Variants in NDST1 observed in about 807,000 individuals in gnomAD.
The protein encoded by NDST1 is bifunctional heparan sulfate N-deacetylase/N-sulfotransferase 1.
A neutral mutation model predicts 92.8 loss-of-function variants in NDST1; 35 were observed. The ratio of observed to expected loss-of-function variants is 0.38; its 90% CI spans 0.29 to 0.50. NDST1 has a LOEUF of 0.50. NDST1 is among the 20% of genes least tolerant of loss of function. The pLI is 0.94. For synonymous variants in NDST1, 493 were observed against 500.3 expected (o/e 0.99, Z 0.19); for missense variants, 822 against 1,182.7 (o/e 0.69, Z 4.47).
intron 11 of NDST1, among the ~76,000 whole-genome samples, chr5:150,547,965 T>C (rs1357356327): frequency 6.6e-6 from 1 of 152,172 alleles, no homozygotes; most frequent in Non-Finnish European, 1.5e-5. Context: ...ATTACAGGCA[T>C]GAGCCACCAT....
intron 1 of NDST1, among the ~76,000 whole-genome samples, chr5:150,516,696 C>T (rs568890800): frequency 2.6e-4 from 40 of 152,230 alleles, no homozygotes; most frequent in Non-Finnish European, 5.4e-4. Flanking sequence ...GACAGAGTCT[C>T]GCTCTATTGC....
At chr5:150,509,599 G>A (rs530840664) in intron 1 of NDST1, among the ~76,000 whole-genome samples, 16 of 152,178 alleles carry the variant, frequency 1.1e-4, no homozygotes, top group African/African-American at 1.7e-4. Flanking sequence ...TGTAATCTCC[G>A]CCTCCCAGGT....
intron 1 of NDST1, among the ~76,000 whole-genome samples, chr5:150,499,173 C>G (rs552228831): frequency 6.6e-6 from 1 of 152,360 alleles, no homozygotes; most frequent in African/African-American, 2.4e-5. Flanking sequence ...CACATTTGCC[C>G]TATGGGCAGA....
In NDST1 at chr5:150,521,147, T is replaced by C. The variant is rs1754224837; in HGVS notation, c.-108T>C. On this transcript the variant is annotated 5_prime_UTR_variant, in exon 2 of 15. Transcript: ENST00000261797. The surrounding 1 kb of genome is among the most constrained non-coding windows in gnomAD (Gnocchi z 5.9). ...CCACAAGGGCGTCGCTTCCTAAGTC[T>C]CTGTGAATTTGTTGGTCAGTGGACG... 2.0e-6 allele frequency: 2 copies of C among 1,024,826 alleles called. No homozygotes were observed. Among genetic ancestry groups the C allele is most frequent in the Non-Finnish European group, 2.9e-6 (2 of 701,648 alleles). 63.5% of individuals were successfully genotyped at this position (1,024,826 alleles called of 1,614,324 possible).
intron 2 of NDST1, among the ~76,000 whole-genome samples, chr5:150,526,227 C>A (rs182255055): frequency 8.6e-4 from 131 of 152,352 alleles, no homozygotes; most frequent in African/African-American, 3.0e-3. Context: ...ATCTACTGTT[C>A]CACAAATATG....
intron 1 of NDST1, among the ~76,000 whole-genome samples, chr5:150,508,502 G>C (rs1032064513): frequency 7.9e-5 from 12 of 152,218 alleles, no homozygotes; most frequent in African/African-American, 2.9e-4. Flanking sequence ...GGAGGAGGAG[G>C]CTGAGGGATG....
intron 1 of NDST1, chr5:150,498,333 G>T (rs953523259): frequency 7.2e-5 from 11 of 152,260 alleles, no homozygotes; most frequent in African/African-American, 2.7e-4. Context: ...GTTAATGTTT[G>T]TAAAGGACTT....
chr5:150,505,840 T>C (rs899280199), upstream of NDST1, among the ~76,000 whole-genome samples: 1 of 152,190 alleles, frequency 6.6e-6, no homozygotes, highest in Non-Finnish European at 1.5e-5. Flanking sequence ...AGTGCCATAG[T>C]GCAGTTGTAG....
intron 10 of NDST1, among the ~76,000 whole-genome samples, chr5:150,544,945 G>C (rs552094193): frequency 1.3e-5 from 2 of 152,306 alleles, no homozygotes; most frequent in South Asian, 4.1e-4. Context: ...TCGCCCCCTA[G>C]AGGCAGAGAG....
At chr5:150,518,841 A>G (rs1481975266) in intron 1 of NDST1, 3 of 151,300 alleles carry the variant, frequency 2.0e-5, no homozygotes, top group East Asian at 1.9e-4. Context: ...CAGTGACGTG[A>G]TCTCGGCTCA....
intron 12 of NDST1, among the ~76,000 whole-genome samples, chr5:150,548,629 C>T (rs181724309): frequency 2.2e-4 from 34 of 152,106 alleles, no homozygotes; most frequent in Admixed American, 1.6e-3. Context: ...CTCGATGTCC[C>T]GAGCTCACGC....
chr5:150,521,602 G>T lies in NDST1; in HGVS notation c.348G>T (p.Ala116=), dbSNP rs73272685. The T allele has an allele frequency of 1.1e-5, 17 of 1,613,918 alleles. No individual in the cohort carries two copies. Among genetic ancestry groups the T allele is most frequent in the East Asian group, 2.2e-5 (1 of 44,878 alleles). The change falls in exon 2 of 15, where the codon GCG becomes GCT. Residue 116 remains alanine (A), a synonymous_variant. Coordinates refer to ENST00000261797, the MANE Select transcript of NDST1 (RefSeq NM_001543.5). This position sits in a 1 kb window ranked among gnomAD's most constrained non-coding sequence, Gnocchi z 5.9. ...SSRFKYRTEI[A]PGKGDMPTLT... ...GCTTCAAATACCGCACAGAGATTGC[G>T]CCGGGCAAGGGTGACATGCCCACGC...
chr5:150,498,648 T>C (rs997663734), intron 1 of NDST1, among the ~76,000 whole-genome samples: 1 of 152,198 alleles, frequency 6.6e-6, no homozygotes, highest in African/African-American at 2.4e-5. Flanking sequence ...GGCACGATTC[T>C]CAACCTCCTT....
chr5:150,554,551 G>A lies in NDST1; in HGVS notation c.*1219G>A, dbSNP rs6863809. On this transcript the variant is annotated 3_prime_UTR_variant, in exon 15 of 15. Coordinates refer to ENST00000261797, the MANE Select transcript of NDST1 (RefSeq NM_001543.5). ...AGGAAGGGGCCCTCCCCAGTGCCGT[G>A]GCTGCTCTGGGGCTACCCCAGGTGA... 0.014 allele frequency: 2,089 copies of A among 152,598 alleles called. 24 individuals are homozygous for A. Among genetic ancestry groups the A allele is most frequent in the Non-Finnish European group, 0.022 (1,499 of 68,032 alleles). The allele number at this position is 152,598 out of a possible 1,614,324, so 9.5% of individuals were successfully genotyped here. A position where few individuals can be genotyped will look rare whatever the true frequency, so the allele number is the denominator to read the frequency against.
chr5:150,505,699 T>A (rs961409533), upstream of NDST1, among the ~76,000 whole-genome samples: 1 of 152,210 alleles, frequency 6.6e-6, no homozygotes, highest in Non-Finnish European at 1.5e-5. Context: ...TTATGCTCCC[T>A]ACAGAATAAC....
At chr5:150,533,765 T>G (rs1385820542) in intron 4 of NDST1, among the ~76,000 whole-genome samples, 3 of 152,144 alleles carry the variant, frequency 2.0e-5, no homozygotes, top group Non-Finnish European at 4.4e-5. Context: ...CTGTCTGTAT[T>G]TTTTATATTC....
chr5:150,549,703 T>A lies in NDST1; in HGVS notation c.2342T>A (p.Leu781His). 1.9e-6 allele frequency: 3 copies of A among 1,614,004 alleles called. No individual in the cohort carries two copies. Among genetic ancestry groups the A allele is most frequent in the Non-Finnish European group, 2.5e-6 (3 of 1,179,874 alleles). ...ATTCTGGTCTTGGATGGCAAACTGC[T>A]TCGCACAGAACCTGCCAAAGTGATG... ...NQILVLDGKL[L>H]RTEPAKVMDM... is the part of the protein sequence containing the mutation. The change falls in exon 13 of 15, where the codon CTT becomes CAT. Residue 781 changes from leucine to histidine, a missense_variant. Transcript: ENST00000261797.
In NDST1 at chr5:150,528,153, G is replaced by A; in HGVS notation, c.863G>A (p.Trp288Ter). The change falls in exon 3 of 15, where the codon TGG becomes TAG. Residue 288 changes from tryptophan to a stop codon, truncating the protein, a stop_gained. Coordinates refer to ENST00000261797, the MANE Select transcript of NDST1 (RefSeq NM_001543.5). LOFTEE classifies it high-confidence loss of function. ...RVLFGNNLNF[W>*]LHKLVFVDAV... ...CTGTTTGGCAACAACCTGAACTTCT[G>A]GCTGCACAAGCTTGTCTTCGTGGAT... 1 of 1,614,250 alleles carries A rather than the reference G, an allele frequency of 6.2e-7. No homozygotes were observed. The highest frequency in any genetic ancestry group is 8.5e-7 in the Non-Finnish European group (1 of 1,180,048).
At chr5:150,506,852 G>A (rs1753482277), upstream of NDST1, among the ~76,000 whole-genome samples, 1 of 152,164 alleles carries the variant, frequency 6.6e-6, no homozygotes, top group South Asian at 2.1e-4. Context: ...AAGCCTCCTT[G>A]GTCTCAGCAG....
Sources: gnomAD v4.1 joint callset for allele counts (sites outside exome capture counted in the v4.1 genomes callset) on GRCh38, gnomAD v4.1.1 for gene constraint, Gnocchi (gnomAD v3.1) non-coding constraint, MANE v1.5 for transcripts, NCBI Gene and HGNC (gene_info 2026-07-23, HGNC 2026-07-21) for gene names.